Variants in LRIG1 observed in about 807,000 individuals in gnomAD.
LRIG1 encodes leucine rich repeats and immunoglobulin like domains 1.
LRIG1 carries 48 observed loss-of-function variants against 99.2 expected under a neutral mutation model. The ratio of observed to expected loss-of-function variants is 0.48; its 90% CI spans 0.38 to 0.62. The LOEUF is 0.62. Ranked by LOEUF, LRIG1 falls within the 20% of genes least tolerant of loss-of-function variation. The pLI is 0.00. For synonymous variants in LRIG1, 772 were observed against 596.1 expected (o/e 1.29, Z -4.30); for missense variants, 1,646 against 1,434.4 (o/e 1.15, Z -2.38).
intron 9 of LRIG1, among the ~76,000 whole-genome samples, chr3:66,399,708 C>T (rs991775848): frequency 2.6e-5 from 4 of 152,170 alleles, no homozygotes; most frequent in African/African-American, 9.7e-5. Flanking sequence ...GTGGAGGCTG[C>T]AGTGAGCCAT....
At chr3:66,429,789 T>TGG (rs1703099610) in intron 3 of LRIG1, among the ~76,000 whole-genome samples, 1 of 88,990 alleles carries the variant, frequency 1.1e-5, no homozygotes, top group African/African-American at 5.5e-5. Flanking sequence ...ACAGGGTGGG[T>TGG]GTGTGTGTGT....
At position 66,384,284 on chromosome 3, in the gene LRIG1, AC is replaced by A. The variant is rs1298766383; in HGVS notation, c.1790-13del. ...GAATGATGGCAACACTGGAAAACAT[AC>A]GTATACAGGGTCGGGTTACGGGACA... On this transcript the variant is annotated splice_polypyrimidine_tract_variant and intron_variant, in intron 13 of 18. Coordinates refer to ENST00000273261, the MANE Select transcript of LRIG1 (RefSeq NM_015541.3). The A allele has an allele frequency of 6.2e-7, 1 of 1,606,118 alleles. No homozygotes were observed. The highest frequency in any genetic ancestry group is 8.5e-7 in the Non-Finnish European group (1 of 1,173,770).
At chr3:66,474,840 A>C (rs1700682621) in intron 1 of LRIG1, among the ~76,000 whole-genome samples, 1 of 152,228 alleles carries the variant, frequency 6.6e-6, no homozygotes, top group Admixed American at 6.5e-5. Context: ...GTGGAATATG[A>C]GTTCTTTCTT....
intron 6 of LRIG1, among the ~76,000 whole-genome samples, chr3:66,411,897 G>A (rs1702480047): frequency 7.6e-6 from 1 of 131,350 alleles, no homozygotes; most frequent in Non-Finnish European, 1.6e-5. Flanking sequence ...AGAAGTGCTT[G>A]CCTCTTGGGA....
rs1486943349 is a variant in LRIG1 at position 66,412,886 on chromosome 3, G to C, written c.776C>G (p.Ser259Cys). 1.2e-6 allele frequency: 2 copies of C among 1,614,028 alleles called. No homozygotes were observed. The highest frequency in any genetic ancestry group is 1.7e-6 in the Non-Finnish European group (2 of 1,180,022). The change falls in exon 6 of 19, where the codon TCC becomes TGC. Residue 259 changes from serine (S) to cysteine (C), a missense_variant. By Grantham distance (112) the Ser-to-Cys change is moderately radical. Coordinates refer to ENST00000273261, the MANE Select transcript of LRIG1 (RefSeq NM_015541.3). Reference sequence around the variant, plus strand: ...CCGCACTTACAGCACATGCATCTTGGACAGTCCCCAGAAGGCCCCATCTGT... The same window carrying C: ...CCGCACTTACAGCACATGCATCTTGCACAGTCCCCAGAAGGCCCCATCTGT... ...KLTDGAFWGL[S>C]KMHVLHLEYN...
intron 3 of LRIG1, 21 bp from the exon 4 acceptor site, chr3:66,417,287 TG>T: frequency 6.2e-7 from 1 of 1,602,766 alleles, no homozygotes; most frequent in Non-Finnish European, 8.5e-7. Flanking sequence ...ACAAGGGAGG[TG>T]ACTTGAGCAT....
intron 3 of LRIG1, among the ~76,000 whole-genome samples, chr3:66,443,992 C>CA (rs1472229531): frequency 3.3e-5 from 5 of 152,208 alleles, no homozygotes; most frequent in Non-Finnish European, 7.3e-5. Flanking sequence ...ACCTTTCAGA[C>CA]ACGCCTGTTA....
Position 66,381,640 on chromosome 3 carries a change from G to A in LRIG1, c.2618-9C>T, listed in dbSNP as rs753388170. 23 of 1,609,722 alleles carry A rather than the reference G, an allele frequency of 1.4e-5. No individual in the cohort carries two copies. The highest frequency in any genetic ancestry group is 9.9e-5 in the South Asian group (9 of 90,916). On this transcript the variant is annotated splice_polypyrimidine_tract_variant and intron_variant, in intron 16 of 18. Transcript: ENST00000273261. ...ATCTCTTGGACACACACCTGCAAGTGGATTCCAACACGATTAGAAACTCTG... is the reference window on the plus strand; with the variant it reads ...ATCTCTTGGACACACACCTGCAAGTAGATTCCAACACGATTAGAAACTCTG...
At chr3:66,424,047 A>T (rs979744676) in intron 3 of LRIG1, among the ~76,000 whole-genome samples, 1 of 152,210 alleles carries the variant, frequency 6.6e-6, no homozygotes, top group Non-Finnish European at 1.5e-5. Context: ...CCCTCTCAGG[A>T]ACGAAGGGCT....
At chr3:66,381,382 T>G in intron 17 of LRIG1, 97 bp downstream of exon 17, 1 of 1,248,166 alleles carries the variant, frequency 8.0e-7, no homozygotes, top group South Asian at 1.4e-5. Context: ...GAGACAGCTG[T>G]GGACTAGGAA....
Position 66,417,207 on chromosome 3 carries a change from T to G in LRIG1, c.425A>C (p.Glu142Ala). Residue 142 changes from glutamate (E) to alanine (A), a missense_variant, in exon 4 of 19, where the codon GAA becomes GCA. Physicochemically the swap from Glu to Ala is moderately radical, Grantham distance 107. Transcript: ENST00000273261. ...GSQLKAYLSL[E>A]VLDLSLNNIT... ...GTTGTTCAAACTCAGATCTAACACTTCTAAGGAAAGGTAGGCCTTCAGCTG... is the reference window on the plus strand; with the variant it reads ...GTTGTTCAAACTCAGATCTAACACTGCTAAGGAAAGGTAGGCCTTCAGCTG... 1.2e-6 allele frequency: 2 copies of G among 1,614,162 alleles called. No individual in the cohort carries two copies. Among genetic ancestry groups the G allele is most frequent in the Non-Finnish European group, 1.7e-6 (2 of 1,180,026 alleles).
intron 2 of LRIG1, among the ~76,000 whole-genome samples, chr3:66,457,576 G>A (rs994082445): frequency 5.9e-5 from 9 of 152,134 alleles, no homozygotes; most frequent in African/African-American, 1.4e-4. Flanking sequence ...TGAGCCTCTC[G>A]CATGTGCAAG....
intron 1 of LRIG1, among the ~76,000 whole-genome samples, chr3:66,463,000 T>A (rs923536844): frequency 5.3e-5 from 8 of 152,170 alleles, no homozygotes; most frequent in African/African-American, 1.9e-4. Context: ...CACTTGGCAA[T>A]GTCTGGAGAC....
intron 1 of LRIG1, among the ~76,000 whole-genome samples, chr3:66,488,477 A>C (rs543334705): frequency 0.023 from 3,433 of 151,442 alleles, 96 homozygotes; most frequent in African/African-American, 0.067. Context: ...AAAAAAACAA[A>C]AAAAAAAAAA....
intron 3 of LRIG1, among the ~76,000 whole-genome samples, chr3:66,420,873 TG>T (rs1702785738): frequency 6.6e-6 from 1 of 152,178 alleles, no homozygotes; most frequent in South Asian, 2.1e-4. Context: ...GGGCAATTTA[TG>T]AAAGAAAGAG....
intron 3 of LRIG1, among the ~76,000 whole-genome samples, chr3:66,437,095 C>T (rs1275712756): frequency 6.6e-6 from 1 of 152,210 alleles, no homozygotes; most frequent in Non-Finnish European, 1.5e-5. Flanking sequence ...GCTGCACCTC[C>T]CTCATTTTCC....
At chr3:66,443,640 AT>A (rs1703621369) in intron 3 of LRIG1, among the ~76,000 whole-genome samples, 1 of 152,190 alleles carries the variant, frequency 6.6e-6, no homozygotes, top group African/African-American at 2.4e-5. Flanking sequence ...CAGCCCCTGT[AT>A]GACAACTGTC....
At chr3:66,501,104 C>T (rs1386539827), upstream of LRIG1, 4 of 152,316 alleles carry the variant, frequency 2.6e-5, no homozygotes, top group Admixed American at 6.5e-5. Context: ...CCCTAGGCTC[C>T]GCGCTCCGCG....
In LRIG1 at chr3:66,420,478, T is replaced by C. The variant is rs530268539; in HGVS notation, c.366-3212A>G. Among the ~76,000 whole-genome samples the C allele has an allele frequency of 2.0e-5, 3 of 152,300 alleles. No individual in the cohort carries two copies. The East Asian group carries it at 5.8e-4, about 29-fold the overall frequency. Reference sequence around the variant, plus strand: ...TTCCACTTCTGCATATCTAAATAACTGAAAGCAGACCTCAAAGAGACATGT... The same window carrying C: ...TTCCACTTCTGCATATCTAAATAACCGAAAGCAGACCTCAAAGAGACATGT... On this transcript the variant is annotated intron_variant, in intron 3 of 18. Transcript: ENST00000273261.
Sources: allele counts gnomAD v4.1 joint callset (sites outside exome capture counted in the v4.1 genomes callset), GRCh38; gene constraint gnomAD v4.1.1; transcripts MANE v1.5; gene names NCBI Gene and HGNC (gene_info 2026-07-23, HGNC 2026-07-21).